Variants in PDE9A observed in about 807,000 individuals in gnomAD.
PDE9A encodes high affinity cGMP-specific 3',5'-cyclic phosphodiesterase 9A.
In PDE9A, 60 loss-of-function variants were observed where a neutral mutation model predicts 87.4. The observed-to-expected ratio is 0.69, with a 90% confidence interval of 0.56 to 0.85. The LOEUF is 0.85. Ranked by LOEUF, PDE9A falls within the 40% of genes least tolerant of loss-of-function variation. The pLI is 0.00. For synonymous variants in PDE9A, 272 were observed against 279.4 expected (o/e 0.97, Z 0.27); for missense variants, 665 against 779.0 (o/e 0.85, Z 1.74).
chr21:42,656,790 CA>C (rs2057106546), intron 1 of PDE9A, among the ~76,000 whole-genome samples: 1 of 152,198 alleles, frequency 6.6e-6, no homozygotes, highest in African/African-American at 2.4e-5. Context: ...TACACGAAGG[CA>C]GGACTCTGTG....
At chr21:42,767,611 C>T (rs1341620123) in intron 15 of PDE9A, among the ~76,000 whole-genome samples, 2 of 152,222 alleles carry the variant, frequency 1.3e-5, no homozygotes, top group Admixed American at 6.5e-5. Context: ...GCATGTGCCT[C>T]AGCTGGGCTT....
At chr21:42,714,016 A>ATTTTTT (rs11403559) in intron 4 of PDE9A, among the ~76,000 whole-genome samples, 6 of 90,420 alleles carry the variant, frequency 6.6e-5, no homozygotes, top group Admixed American at 1.4e-4. Context: ...TTTCATTCCA[A>ATTTTTT]TTTTTTTTTT....
intron 14 of PDE9A, among the ~76,000 whole-genome samples, chr21:42,763,213 G>A (rs976930008): frequency 2.0e-5 from 3 of 152,220 alleles, no homozygotes; most frequent in Admixed American, 2.0e-4. Context: ...AACCCTGGGA[G>A]AAATGTGTTG....
Position 42,705,927 on chromosome 21 carries a change from C to T in PDE9A, c.262+6916C>T, listed in dbSNP as rs1045451572. 1.3e-5 allele frequency among the ~76,000 whole-genome samples: 2 copies of T among 152,186 alleles called. No homozygotes were observed. ...CCCTGGCCAGAGACCGAGGGTGACT[C>T]GGAGGCTTCCAGTTCCCAGCAGCTT... On this transcript the variant is annotated intron_variant, in intron 4 of 19. Coordinates refer to ENST00000291539, the MANE Select transcript of PDE9A (RefSeq NM_002606.3). This position sits in a 1 kb window ranked among gnomAD's most constrained non-coding sequence, Gnocchi z 4.3.
chr21:42,670,184 C>CACA (rs796577584), intron 1 of PDE9A, among the ~76,000 whole-genome samples: 3,094 of 142,058 alleles, frequency 0.022, 110 homozygotes, highest in African/African-American at 0.07. Flanking sequence ...CACACATACA[C>CACA]TTACACACAT....
At chr21:42,689,563 G>T (rs2059673242) in intron 3 of PDE9A, 2 of 985,312 alleles carry the variant, frequency 2.0e-6, no homozygotes, top group South Asian at 4.7e-5. Flanking sequence ...ATGCCAGCTG[G>T]GTATCTGAGA....
rs778627925 is a variant in PDE9A at position 42,696,496 on chromosome 21, GC to G, written c.219-2468del. On this transcript the variant is annotated intron_variant, in intron 3 of 19. Transcript: ENST00000291539. The surrounding 1 kb of genome is among the most constrained non-coding windows in gnomAD (Gnocchi z 5.1). ...AGGAGTGGGGAGCCAGGGTGGCAAA[GC>G]CCCTTCCTGCTGCCCACGCAGGTCC... Among the ~76,000 whole-genome samples, 11 of 152,228 alleles carry G rather than the reference GC, an allele frequency of 7.2e-5. No homozygotes were observed. Among genetic ancestry groups the G allele is most frequent in the South Asian group, 2.1e-4 (1 of 4,832 alleles).
intron 7 of PDE9A, 108 bp from the exon 8 acceptor site, chr21:42,743,668 A>T: frequency 1.4e-6 from 1 of 700,310 alleles, no homozygotes; most frequent in Non-Finnish European, 2.6e-6. Context: ...CTCTGCACTG[A>T]GGTATATTCC....
chr21:42,707,805 G>C (rs1177153185), intron 4 of PDE9A, among the ~76,000 whole-genome samples: 2 of 152,196 alleles, frequency 1.3e-5, no homozygotes, highest in African/African-American at 2.4e-5. Flanking sequence ...TGCATACCTT[G>C]CATGGTTCTT....
intron 10 of PDE9A, among the ~76,000 whole-genome samples, chr21:42,756,318 A>G: frequency 6.6e-6 from 1 of 152,190 alleles, no homozygotes. Context: ...AGGGACAACT[A>G]AAGGGACACA....
At chr21:42,738,852 A>C (rs146051787) in intron 7 of PDE9A, among the ~76,000 whole-genome samples, 116 of 152,192 alleles carry the variant, frequency 7.6e-4, no homozygotes, top group Non-Finnish European at 1.4e-3. Context: ...ACGCCTGGCT[A>C]ATTTTTGTAT....
At chr21:42,744,837 G>C (rs2053673802) in intron 8 of PDE9A, among the ~76,000 whole-genome samples, 1 of 152,240 alleles carries the variant, frequency 6.6e-6, no homozygotes, top group Admixed American at 6.5e-5. Flanking sequence ...ATGATGAGCA[G>C]AGCGCATGCA....
chr21:42,720,230 A>T (rs2050361292), intron 4 of PDE9A, among the ~76,000 whole-genome samples: 2 of 152,232 alleles, frequency 1.3e-5, no homozygotes, highest in African/African-American at 2.4e-5. Flanking sequence ...GCAGTGACTC[A>T]CGCCTGTAAT....
chr21:42,704,576 G>A lies in PDE9A; in HGVS notation c.262+5565G>A, dbSNP rs2048666024. Among the ~76,000 whole-genome samples the A allele has an allele frequency of 6.6e-6, 1 of 152,158 alleles. No homozygotes were observed. Among genetic ancestry groups the A allele is most frequent in the Non-Finnish European group, 1.5e-5 (1 of 68,034 alleles). ...ACAACCTTCCCTCTCCCGTCCATCGGCCTTGGGTCCCAGAGCCACTGAGCC... is the reference window on the plus strand; with the variant it reads ...ACAACCTTCCCTCTCCCGTCCATCGACCTTGGGTCCCAGAGCCACTGAGCC... On this transcript the variant is annotated intron_variant, in intron 4 of 19. Transcript: ENST00000291539. The surrounding 1 kb of genome is among the most constrained non-coding windows in gnomAD (Gnocchi z 5.3).
chr21:42,730,372 T>G (rs1016203825), intron 4 of PDE9A, among the ~76,000 whole-genome samples: 13 of 152,220 alleles, frequency 8.5e-5, no homozygotes, highest in African/African-American at 2.7e-4. Flanking sequence ...GGTGATCTGG[T>G]CTACCCTCTC....
intron 7 of PDE9A, chr21:42,734,787 T>C (rs561849949): frequency 1.3e-5 from 2 of 152,310 alleles, no homozygotes; most frequent in South Asian, 2.1e-4. Flanking sequence ...ATTTTCCCCA[T>C]TGTCAACGAG....
chr21:42,679,666 T>C (rs1243917593), intron 1 of PDE9A, among the ~76,000 whole-genome samples: 1 of 152,036 alleles, frequency 6.6e-6, no homozygotes, highest in East Asian at 1.9e-4. Context: ...GATAAGCCTT[T>C]CCACGGAGGG....
intron 1 of PDE9A, among the ~76,000 whole-genome samples, chr21:42,668,895 T>TCCCCCCCCCCCCCCCCCC (rs1229611821): frequency 5.0e-5 from 5 of 99,674 alleles, no homozygotes; most frequent in African/African-American, 2.2e-4. Flanking sequence ...AGCTGCTCCC[T>TCCCCCCCCCCCCCCCCCC]CCACCCCCCG....
At chr21:42,670,263 ACACATATT>A (rs1157492419) in intron 1 of PDE9A, among the ~76,000 whole-genome samples, 1 of 145,624 alleles carries the variant, frequency 6.9e-6, no homozygotes, top group Non-Finnish European at 1.5e-5. Flanking sequence ...ATACATTCAC[ACACATATT>A]CACACATTCA....
Sources: allele counts gnomAD v4.1 joint callset (sites outside exome capture counted in the v4.1 genomes callset), GRCh38; gene constraint gnomAD v4.1.1; non-coding constraint Gnocchi (gnomAD v3.1); transcripts MANE v1.5; gene names NCBI Gene and HGNC (gene_info 2026-07-23, HGNC 2026-07-21).